ADAM18: variants seen among roughly 807,000 people sequenced by gnomAD.
The protein encoded by ADAM18 is ADAM metallopeptidase domain 18, also known as disintegrin and metalloproteinase domain-containing protein 18.
A neutral mutation model predicts 94.4 loss-of-function variants in ADAM18; 117 were observed. The ratio of observed to expected loss-of-function variants is 1.24; its 90% CI spans 1.07 to 1.45. The LOEUF (loss-of-function observed/expected upper bound fraction) is 1.45, where lower values mean the gene tolerates loss of function less well. Ranked by LOEUF, ADAM18 falls within the 40% of genes most tolerant of loss-of-function variation. ADAM18 has a pLI of 0.00. For synonymous variants in ADAM18, 327 were observed against 291.6 expected (o/e 1.12, Z -1.24); for missense variants, 936 against 880.0 (o/e 1.06, Z -0.81).
intron 17 of ADAM18, among the ~76,000 whole-genome samples, chr8:39,698,142 C>T (rs1205981972): frequency 1.3e-5 from 2 of 151,698 alleles, no homozygotes; most frequent in African/African-American, 2.4e-5. Flanking sequence ...ATTCTTTGTT[C>T]TTCAATCTGG....
At chr8:39,635,390 T>C (rs1820049307) in intron 7 of ADAM18, among the ~76,000 whole-genome samples, 1 of 152,206 alleles carries the variant, frequency 6.6e-6, no homozygotes. Context: ...CTAATGATAT[T>C]GGTGAGATAT....
chr8:39,607,298 T>A (rs958846529), intron 3 of ADAM18, among the ~76,000 whole-genome samples: 2 of 152,200 alleles, frequency 1.3e-5, no homozygotes, highest in South Asian at 4.1e-4. Flanking sequence ...AATCTACTGT[T>A]TGTATCTTGA....
chr8:39,717,057 A>G (rs972721235), intron 18 of ADAM18, among the ~76,000 whole-genome samples: 1 of 151,768 alleles, frequency 6.6e-6, no homozygotes, highest in Non-Finnish European at 1.5e-5. Context: ...ATTTGCATGG[A>G]ATATCTTGTA....
chr8:39,715,750 CAG>C, intron 18 of ADAM18, among the ~76,000 whole-genome samples: 1 of 152,010 alleles, frequency 6.6e-6, no homozygotes, highest in East Asian at 1.9e-4. Flanking sequence ...CAAGATGAAA[CAG>C]ATAATTCTAA....
intron 2 of ADAM18, among the ~76,000 whole-genome samples, chr8:39,587,553 T>A (rs1248201644): frequency 6.6e-6 from 1 of 152,228 alleles, no homozygotes; most frequent in African/African-American, 2.4e-5. Context: ...CAAGCAATTC[T>A]TGTTCTTCAC....
At chr8:39,713,092 A>G (rs867745233) in intron 18 of ADAM18, among the ~76,000 whole-genome samples, 1 of 152,204 alleles carries the variant, frequency 6.6e-6, no homozygotes, top group Non-Finnish European at 1.5e-5. Context: ...CAAAACAGAT[A>G]TATAGACCAA....
chr8:39,615,932 C>A (rs1053077182), intron 6 of ADAM18, among the ~76,000 whole-genome samples: 1 of 151,890 alleles, frequency 6.6e-6, no homozygotes, highest in African/African-American at 2.4e-5. Context: ...AACTGAGGGG[C>A]AAATCAAGAA....
At chr8:39,715,239 G>A (rs1339289211) in intron 18 of ADAM18, among the ~76,000 whole-genome samples, 2 of 151,960 alleles carry the variant, frequency 1.3e-5, no homozygotes, top group Non-Finnish European at 2.9e-5. Context: ...ATGGGTTAAA[G>A]TAGTCTCAAG....
intron 16 of ADAM18, among the ~76,000 whole-genome samples, chr8:39,688,383 C>T (rs1821668391): frequency 6.6e-6 from 1 of 152,126 alleles, no homozygotes; most frequent in African/African-American, 2.4e-5. Flanking sequence ...CTCCCTCCTC[C>T]CAGCCTCCAC....
intron 9 of ADAM18, 109 bp downstream of exon 9, chr8:39,637,812 T>C (rs1159649225): frequency 7.1e-6 from 7 of 991,880 alleles, no homozygotes; most frequent in Non-Finnish European, 9.6e-6. Context: ...TTTGGAAGTG[T>C]TTAAAAATTA....
chr8:39,645,948 C>T (rs1007794638), intron 11 of ADAM18, among the ~76,000 whole-genome samples: 3 of 152,052 alleles, frequency 2.0e-5, no homozygotes, highest in African/African-American at 7.2e-5. Flanking sequence ...TATGGTAATA[C>T]TTATTCCTAT....
chr8:39,618,369 T>G (rs1271465180), intron 6 of ADAM18, among the ~76,000 whole-genome samples: 1 of 152,148 alleles, frequency 6.6e-6, no homozygotes, highest in Non-Finnish European at 1.5e-5. Flanking sequence ...GGTCATTTGA[T>G]TGTGAGGTGA....
intron 15 of ADAM18, 141 bp from the exon 16 acceptor site, chr8:39,679,896 C>A: frequency 1.4e-6 from 1 of 740,034 alleles, no homozygotes; most frequent in East Asian, 2.7e-5. Context: ...TTGTTGTGCA[C>A]CATAAAATAA....
Position 39,677,460 on chromosome 8 carries a change from A to G in ADAM18, c.1555A>G (p.Lys519Glu). ...TCAAGGTGCTCCATTTGCCTGTTTTAAAGAAGTTAATTCTCTGCATGAAAG... is the reference window on the plus strand; with the variant it reads ...TCAAGGTGCTCCATTTGCCTGTTTTGAAGAAGTTAATTCTCTGCATGAAAG... ...GAQGAPFACFKEVNSLHERSE... is the reference protein window; with the variant it reads ...GAQGAPFACFEEVNSLHERSE... Residue 519 changes from lysine to glutamate, a missense_variant, in exon 15 of 20, where the codon AAA (lysine) becomes GAA (glutamate). By Grantham distance (56) the Lys-to-Glu change is moderately conservative. Transcript: ENST00000265707. 6.2e-7 allele frequency: 1 copy of G among 1,609,198 alleles called. No homozygotes were observed.
At chr8:39,652,610 C>T (rs901369830) in intron 12 of ADAM18, among the ~76,000 whole-genome samples, 1 of 152,110 alleles carries the variant, frequency 6.6e-6, no homozygotes, top group Non-Finnish European at 1.5e-5. Context: ...TAAATTAGTA[C>T]AGCCATTACA....
At chr8:39,606,477 G>C (rs1819090006) in intron 3 of ADAM18, 115 bp downstream of exon 3, 1 of 536,914 alleles carries the variant, frequency 1.9e-6, no homozygotes, top group African/African-American at 2.0e-5. Context: ...ATGTAGACTT[G>C]TTTTATCAAT....
intron 10 of ADAM18, among the ~76,000 whole-genome samples, chr8:39,643,880 A>G (rs990848674): frequency 6.6e-6 from 1 of 151,154 alleles, no homozygotes; most frequent in African/African-American, 2.4e-5. Context: ...TGGTTTTTGT[A>G]TCTTGCCCCA....
chr8:39,591,486 C>A (rs944141155), intron 2 of ADAM18, among the ~76,000 whole-genome samples: 5 of 152,142 alleles, frequency 3.3e-5, no homozygotes, highest in African/African-American at 7.2e-5. Flanking sequence ...TCTCAGGAAA[C>A]CAACTTCTTT....
At chr8:39,610,977 GAACA>G in intron 6 of ADAM18, 1 of 1,196,558 alleles carries the variant, frequency 8.4e-7, no homozygotes, top group Non-Finnish European at 1.0e-6. Context: ...AATGCAGAAA[GAACA>G]GAGTCACTGT....
Sources: allele counts gnomAD v4.1 joint callset (sites outside exome capture counted in the v4.1 genomes callset), GRCh38; gene constraint gnomAD v4.1.1; transcripts MANE v1.5; gene names NCBI Gene and HGNC (gene_info 2026-07-23, HGNC 2026-07-21).